ADH7: variants seen among roughly 807,000 people sequenced by gnomAD.
The protein encoded by ADH7 is alcohol dehydrogenase 7 (class IV), mu or sigma polypeptide.
A neutral mutation model predicts 34.4 loss-of-function variants in ADH7; 41 were observed. That is an observed-to-expected ratio of 1.19 (90% CI 0.93 to 1.55). ADH7 has a LOEUF of 1.55. Among genes scored for constraint, ADH7 ranks in the 40% most tolerant of loss-of-function variants. ADH7 has a pLI of 0.00. For synonymous variants in ADH7, 180 were observed against 160.9 expected (o/e 1.12, Z -0.90); for missense variants, 540 against 461.2 (o/e 1.17, Z -1.56).
At position 99,412,994 on chromosome 4, in the gene ADH7, A is replaced by G; in HGVS notation, c.*154T>C. The G allele has an allele frequency of 1.6e-6, 1 of 639,884 alleles. No homozygotes were observed. Among genetic ancestry groups the G allele is most frequent in the South Asian group, 2.6e-5 (1 of 38,664 alleles). 39.6% of individuals were successfully genotyped at this position (639,884 alleles called of 1,614,324 possible). ...CTCACAAGACTTTAAATGTTTATAA[A>G]GGTTAATAATTCTTTATAAGGGTTC... On this transcript the variant is annotated 3_prime_UTR_variant, in exon 9 of 9. Transcript: ENST00000437033.
chr4:99,416,103 A>G (rs1721509749), intron 7 of ADH7, among the ~76,000 whole-genome samples: 1 of 152,160 alleles, frequency 6.6e-6, no homozygotes, highest in African/African-American at 2.4e-5. Context: ...ACGAACCTGC[A>G]CGTTCTGCAC....
At chr4:99,419,697 T>A (rs561236073) in intron 6 of ADH7, among the ~76,000 whole-genome samples, 3 of 152,144 alleles carry the variant, frequency 2.0e-5, no homozygotes, top group Non-Finnish European at 4.4e-5. Context: ...CAACTGGAAA[T>A]CAGTAGGCTC....
At chr4:99,414,172 T>G (rs1023669536) in intron 8 of ADH7, among the ~76,000 whole-genome samples, 1 of 152,186 alleles carries the variant, frequency 6.6e-6, no homozygotes. Flanking sequence ...TTTGCTTATC[T>G]GAGTAAAGTA....
At position 99,419,060 on chromosome 4, in the gene ADH7, G is replaced by T; in HGVS notation, c.887C>A (p.Pro296Gln). 1 of 1,613,862 alleles carries T rather than the reference G, an allele frequency of 6.2e-7. No homozygotes were observed. Among genetic ancestry groups the T allele is most frequent in the Non-Finnish European group, 8.5e-7 (1 of 1,179,866 alleles). ...GTCATAGGTGAGCATCTTGGCTGAT[G>T]GAGGAACTCCTACAACCACGCTGGT... is the stretch of plus-strand genomic sequence containing the variant. ...YGTSVVVGVP[P>Q]SAKMLTYDPM... is the part of the protein sequence containing the mutation. The change falls in exon 7 of 9, where the codon CCA becomes CAA. Residue 296 changes from proline (P) to glutamine (Q), a missense_variant. Coordinates refer to ENST00000437033, the MANE Select transcript of ADH7 (RefSeq NM_000673.7).
chr4:99,414,445 C>T (rs1044219620), intron 8 of ADH7, among the ~76,000 whole-genome samples: 1 of 152,148 alleles, frequency 6.6e-6, no homozygotes, highest in Non-Finnish European at 1.5e-5. Context: ...AAAGTCATTT[C>T]ATCTTGTAGA....
intron 5 of ADH7, among the ~76,000 whole-genome samples, chr4:99,421,559 C>G (rs1210159105): frequency 6.6e-6 from 1 of 152,124 alleles, no homozygotes; most frequent in East Asian, 1.9e-4. Context: ...TAGAAGAAAA[C>G]CTAGGCAATA....
chr4:99,429,152 T>C (rs1560564710), intron 2 of ADH7, among the ~76,000 whole-genome samples: 2 of 152,208 alleles, frequency 1.3e-5, no homozygotes, highest in Admixed American at 6.5e-5. Flanking sequence ...CACGAAGTTG[T>C]CATTTCTCCA....
At chr4:99,434,933 C>A in intron 1 of ADH7, 1 of 1,144,980 alleles carries the variant, frequency 8.7e-7, no homozygotes, top group East Asian at 2.6e-5. Flanking sequence ...GCCCAGCTAT[C>A]CGGAAATCAA....
In ADH7 at chr4:99,419,128, T is replaced by A. The variant is rs751965423; in HGVS notation, c.826-7A>T. The A allele has an allele frequency of 3.1e-6, 5 of 1,612,860 alleles. No homozygotes were observed. In the South Asian group the frequency reaches 5.5e-5, roughly 18 times the overall value. ...AGGATGCCAGGGCATCAATCTGAGT[T>A]TAAAACGGAGGAGATCGTTTGCTTC... On this transcript the variant is annotated splice_polypyrimidine_tract_variant and splice_region_variant and intron_variant, in intron 6 of 8. Transcript: ENST00000437033.
chr4:99,435,097 C>T lies in ADH7; in HGVS notation c.18+119G>A, dbSNP rs1275427966. On this transcript the variant is annotated intron_variant, in intron 1 of 8. Transcript: ENST00000437033. ...CCTCACTGTATGCCTGCTCACCAAG[C>T]ATTTCATTCCTCAAGGAATATCTCC... 3.9e-6 allele frequency: 6 copies of T among 1,550,584 alleles called. No individual in the cohort carries two copies. In the African/African-American group the frequency reaches 8.2e-5, roughly 21 times the overall value.
chr4:99,422,991 A>G (rs2851030), intron 5 of ADH7, among the ~76,000 whole-genome samples: 30 of 141,144 alleles, frequency 2.1e-4, no homozygotes, highest in Non-Finnish European at 4.0e-4. Flanking sequence ...CTTGTCATTT[A>G]GCATTAGGTA....
Position 99,419,132 on chromosome 4 carries a change from A to G in ADH7, c.826-11T>C. 6.2e-7 allele frequency: 1 copy of G among 1,612,332 alleles called. No individual in the cohort carries two copies. Among genetic ancestry groups the G allele is most frequent in the African/African-American group, 1.3e-5 (1 of 75,002 alleles). On this transcript the variant is annotated splice_polypyrimidine_tract_variant and intron_variant, in intron 6 of 8. Transcript: ENST00000437033. ...TGCCAGGGCATCAATCTGAGTTTAA[A>G]ACGGAGGAGATCGTTTGCTTCCTGT... is the stretch of plus-strand genomic sequence containing the variant.
intron 5 of ADH7, among the ~76,000 whole-genome samples, chr4:99,424,310 C>T (rs1423927626): frequency 3.3e-5 from 5 of 152,192 alleles, no homozygotes; most frequent in African/African-American, 7.2e-5. Flanking sequence ...AGTCACATAG[C>T]GTGATGCCTC....
chr4:99,417,930 G>A (rs1721557165), intron 7 of ADH7, among the ~76,000 whole-genome samples: 1 of 152,054 alleles, frequency 6.6e-6, no homozygotes, highest in Non-Finnish European at 1.5e-5. Context: ...ATACCAACTA[G>A]CCTCTTGCTT....
intron 5 of ADH7, among the ~76,000 whole-genome samples, chr4:99,425,301 T>C (rs1350442477): frequency 2.0e-5 from 3 of 152,168 alleles, no homozygotes; most frequent in Non-Finnish European, 2.9e-5. Context: ...CAGTGTGCTG[T>C]ATTCAGGAGA....
chr4:99,434,033 A>G (rs1344233132), intron 1 of ADH7, among the ~76,000 whole-genome samples: 1 of 152,184 alleles, frequency 6.6e-6, no homozygotes, highest in African/African-American at 2.4e-5. Flanking sequence ...TTGCATGACC[A>G]TATATCAAAA....
intron 6 of ADH7, among the ~76,000 whole-genome samples, chr4:99,420,032 A>T (rs1418366669): frequency 2.0e-5 from 3 of 152,174 alleles, no homozygotes; most frequent in Admixed American, 2.0e-4. Context: ...TGGCATGGTT[A>T]GAAAATTGAA....
chr4:99,421,961 C>T (rs1287965471), intron 5 of ADH7, among the ~76,000 whole-genome samples: 1 of 152,216 alleles, frequency 6.6e-6, no homozygotes, highest in African/African-American at 2.4e-5. Context: ...GATACCATCT[C>T]ATGCCAGTCA....
intron 5 of ADH7, among the ~76,000 whole-genome samples, chr4:99,427,565 T>C (rs1721837093): frequency 6.6e-6 from 1 of 152,212 alleles, no homozygotes; most frequent in Admixed American, 6.6e-5. Context: ...TCAATAAATA[T>C]TCTCAAGTGT....
Sources: allele counts gnomAD v4.1 joint callset (sites outside exome capture counted in the v4.1 genomes callset), GRCh38; gene constraint gnomAD v4.1.1; transcripts MANE v1.5; gene names NCBI Gene and HGNC (gene_info 2026-07-23, HGNC 2026-07-21).